Variants in SLC38A1 observed in about 807,000 individuals in gnomAD.
SLC38A1 encodes sodium-coupled neutral amino acid symporter 1.
SLC38A1 carries 18 observed loss-of-function variants against 60.3 expected under a neutral mutation model. The ratio of observed to expected loss-of-function variants is 0.30; its 90% CI spans 0.21 to 0.44. The LOEUF (loss-of-function observed/expected upper bound fraction) is 0.44, where lower values mean the gene tolerates loss of function less well. Ranked by LOEUF, SLC38A1 falls within the 20% of genes least tolerant of loss-of-function variation. SLC38A1 has a pLI of 1.00. For synonymous variants in SLC38A1, 196 were observed against 212.1 expected (o/e 0.92, Z 0.66); for missense variants, 448 against 587.2 (o/e 0.76, Z 2.45).
intron 16 of SLC38A1, among the ~76,000 whole-genome samples, chr12:46,193,800 A>G (rs1417926065): frequency 6.6e-6 from 1 of 151,310 alleles, no homozygotes; most frequent in Non-Finnish European, 1.5e-5. Context: ...ATCTTCCTCC[A>G]TCCTTTTATT....
In SLC38A1 at chr12:46,239,650, GATAGAAATGTT is replaced by G. The variant is rs778022973; in HGVS notation, c.122+18_122+28del. On this transcript the variant is annotated intron_variant, in intron 3 of 16. Transcript: ENST00000398637. The stretch of plus-strand genomic sequence containing the variant: ...GAGCCACGAGCCATTTCTTTCACTG[GATAGAAATGTT>G]AGTGGAAAAATACTCACCTATTTAT... 12 of 1,612,292 alleles carry G rather than the reference GATAGAAATGTT, an allele frequency of 7.4e-6. No homozygotes were observed. Among genetic ancestry groups the G allele is most frequent in the Non-Finnish European group, 9.3e-6 (11 of 1,179,056 alleles).
At chr12:46,200,360 GAAAT>G (rs1939597974) in intron 13 of SLC38A1, among the ~76,000 whole-genome samples, 1 of 151,156 alleles carries the variant, frequency 6.6e-6, no homozygotes, top group Admixed American at 6.6e-5. Flanking sequence ...AGAAGATTGT[GAAAT>G]ACATACATAT....
intron 3 of SLC38A1, among the ~76,000 whole-genome samples, chr12:46,235,300 T>A (rs1941221574): frequency 6.6e-6 from 1 of 152,232 alleles, no homozygotes; most frequent in Admixed American, 6.5e-5. Context: ...GATTATACTG[T>A]TTCCTCTGAG....
intron 5 of SLC38A1, among the ~76,000 whole-genome samples, chr12:46,218,396 G>C: frequency 6.7e-6 from 1 of 149,338 alleles, no homozygotes; most frequent in Non-Finnish European, 1.5e-5. Context: ...TTCTCGGTGG[G>C]TATTTGGGAC....
In SLC38A1 at chr12:46,268,278, A is replaced by G. The variant is rs1942427890; in HGVS notation, c.-209+248T>C. On this transcript the variant is annotated intron_variant, in intron 1 of 16. Coordinates refer to ENST00000398637, the MANE Select transcript of SLC38A1 (RefSeq NM_030674.4). The surrounding 1 kb of genome is among the most constrained non-coding windows in gnomAD (Gnocchi z 4.4). ...GTCACAGGAAAACAAACCAAAAAGT[A>G]AGCCACAGCCCACGCAAAGGTGAAC... Among the ~76,000 whole-genome samples, 1 of 152,220 alleles carries G rather than the reference A, an allele frequency of 6.6e-6. No homozygotes were observed. The highest frequency in any genetic ancestry group is 2.4e-5 in the African/African-American group (1 of 41,462).
intron 5 of SLC38A1, among the ~76,000 whole-genome samples, chr12:46,228,778 G>A (rs1432905302): frequency 2.6e-5 from 4 of 152,010 alleles, no homozygotes. Context: ...TGTAGTACAC[G>A]CTTCACAGCA....
At chr12:46,189,701 G>C (rs1441475818) in intron 16 of SLC38A1, among the ~76,000 whole-genome samples, 1 of 152,114 alleles carries the variant, frequency 6.6e-6, no homozygotes, top group Non-Finnish European at 1.5e-5. Flanking sequence ...CTGGTAGGAG[G>C]TAATTGAATC....
chr12:46,205,025 T>C (rs1444590), intron 9 of SLC38A1, among the ~76,000 whole-genome samples: 29,369 of 152,112 alleles, frequency 0.19, 3,534 homozygotes, highest in African/African-American at 0.34. Flanking sequence ...ATACTGAATG[T>C]CAGTTATAAT....
At chr12:46,217,111 A>G (rs368619222) in intron 5 of SLC38A1, among the ~76,000 whole-genome samples, 23 of 152,328 alleles carry the variant, frequency 1.5e-4, no homozygotes, top group East Asian at 1.2e-3. Context: ...TATTCATTAT[A>G]TATCAGGCCC....
chr12:46,253,801 G>C (rs1199385947), intron 1 of SLC38A1, among the ~76,000 whole-genome samples: 1 of 152,138 alleles, frequency 6.6e-6, no homozygotes, highest in East Asian at 1.9e-4. Context: ...CCTAAGGGCT[G>C]CACAGGGATG....
chr12:46,268,096 T>G lies in SLC38A1; in HGVS notation c.-209+430A>C, dbSNP rs553217814. Among the ~76,000 whole-genome samples, 1 of 152,006 alleles carries G rather than the reference T, an allele frequency of 6.6e-6. No individual in the cohort carries two copies. Among genetic ancestry groups the G allele is most frequent in the South Asian group, 2.1e-4 (1 of 4,800 alleles). On this transcript the variant is annotated intron_variant, in intron 1 of 16. Coordinates refer to ENST00000398637, the MANE Select transcript of SLC38A1 (RefSeq NM_030674.4). This position sits in a 1 kb window ranked among gnomAD's most constrained non-coding sequence, Gnocchi z 4.4. ...TCTGGGCCTTGCGGACACAGGAAAT[T>G]TTCACCAAAGGCCGGGGATTCAAAC... is the stretch of plus-strand genomic sequence containing the variant.
In SLC38A1 at chr12:46,207,633, T is replaced by A. The variant is rs372697192; in HGVS notation, c.389-12A>T. On this transcript the variant is annotated splice_polypyrimidine_tract_variant and intron_variant, in intron 6 of 16. Coordinates refer to ENST00000398637, the MANE Select transcript of SLC38A1 (RefSeq NM_030674.4). The stretch of plus-strand genomic sequence containing the variant: ...ATACACCATGCAGCCTATTTAAAAA[T>A]CAAATTTGAGAACACAAGAAATGAC... The A allele has an allele frequency of 1.2e-5, 19 of 1,611,670 alleles. No homozygotes were observed. The highest frequency in any genetic ancestry group is 1.0e-4 in the Admixed American group (6 of 59,960).
chr12:46,200,495 A>G (rs1359250725), intron 13 of SLC38A1, among the ~76,000 whole-genome samples: 1 of 152,076 alleles, frequency 6.6e-6, no homozygotes, highest in Non-Finnish European at 1.5e-5. Context: ...ATCAAGCTTC[A>G]GGATAATTTG....
At chr12:46,260,165 C>A (rs1008153637) in intron 1 of SLC38A1, among the ~76,000 whole-genome samples, 1 of 152,164 alleles carries the variant, frequency 6.6e-6, no homozygotes, top group Non-Finnish European at 1.5e-5. Flanking sequence ...TGACTTCTCC[C>A]AAATAACTCC....
At chr12:46,233,206 A>G (rs573386438) in intron 3 of SLC38A1, among the ~76,000 whole-genome samples, 1 of 152,126 alleles carries the variant, frequency 6.6e-6, no homozygotes, top group South Asian at 2.1e-4. Context: ...AAAATTGTGT[A>G]GGGATGGAGT....
intron 16 of SLC38A1, among the ~76,000 whole-genome samples, chr12:46,189,992 G>A (rs985637148): frequency 5.9e-5 from 9 of 151,906 alleles, no homozygotes; most frequent in African/African-American, 1.9e-4. Flanking sequence ...CAATGTGTAG[G>A]TTTGTTACAT....
At chr12:46,205,041 TC>T (rs1201074264) in intron 9 of SLC38A1, among the ~76,000 whole-genome samples, 3 of 152,172 alleles carry the variant, frequency 2.0e-5, no homozygotes. Flanking sequence ...ATAATACTTT[TC>T]TCCCCAGATG....
At chr12:46,205,012 T>C (rs1044666685) in intron 9 of SLC38A1, among the ~76,000 whole-genome samples, 23 of 152,334 alleles carry the variant, frequency 1.5e-4, no homozygotes, top group Middle Eastern at 6.8e-3. Context: ...ACTTATTGTG[T>C]GCATACTGAA....
Position 46,245,664 on chromosome 12 carries a change from G to A in SLC38A1, c.-208-2350C>T, listed in dbSNP as rs147207997. Among the ~76,000 whole-genome samples the A allele has an allele frequency of 4.6e-4, 70 of 152,292 alleles. 1 individual carries two copies. Among genetic ancestry groups the A allele is most frequent in the African/African-American group, 1.3e-3 (56 of 41,556 alleles). ...ATCACCACCTCATAAAGACATGTGCGCTGAGCCTGGGGAGGTCAAGACTCC... is the reference window on the plus strand; with the variant it reads ...ATCACCACCTCATAAAGACATGTGCACTGAGCCTGGGGAGGTCAAGACTCC... On this transcript the variant is annotated intron_variant, in intron 1 of 16. Coordinates refer to ENST00000398637, the MANE Select transcript of SLC38A1 (RefSeq NM_030674.4).
Sources: gnomAD v4.1 joint callset for allele counts (sites outside exome capture counted in the v4.1 genomes callset) on GRCh38, gnomAD v4.1.1 for gene constraint, Gnocchi (gnomAD v3.1) non-coding constraint, MANE v1.5 for transcripts, NCBI Gene and HGNC (gene_info 2026-07-23, HGNC 2026-07-21) for gene names.